The following RPIA variants were observed in gnomAD, a reference collection of about 807,000 sequenced individuals.
The protein encoded by RPIA is ribose 5-phosphate isomerase A.
In RPIA, 29 loss-of-function variants were observed where a neutral mutation model predicts 37.8. That is an observed-to-expected ratio of 0.77 (90% confidence interval 0.57 to 1.05). RPIA has a LOEUF of 1.05. Ranked by LOEUF, RPIA falls within the 50% of genes least tolerant of loss-of-function variation. The pLI, the probability that RPIA is intolerant of heterozygous loss-of-function variation, is 0.00. For missense variants in RPIA, 385 were observed against 413.6 expected (o/e 0.93, Z 0.60); for synonymous variants, 167 against 157.0 (o/e 1.06, Z -0.48).
At chr2:88,713,596 G>T (rs997420438) in intron 3 of RPIA, among the ~76,000 whole-genome samples, 1 of 152,070 alleles carries the variant, frequency 6.6e-6, no homozygotes, top group South Asian at 2.1e-4. Flanking sequence ...ATCTATTTTC[G>T]TCCAGTGTGC....
intron 8 of RPIA, among the ~76,000 whole-genome samples, chr2:88,744,318 G>T (rs1318433900): frequency 1.1e-4 from 17 of 152,220 alleles, no homozygotes; most frequent in Admixed American, 7.2e-4. Flanking sequence ...TAGTTTTGAG[G>T]GTTCCTTTTG....
intron 3 of RPIA, among the ~76,000 whole-genome samples, chr2:88,709,414 G>T (rs984639892): frequency 3.3e-5 from 5 of 152,220 alleles, no homozygotes; most frequent in African/African-American, 1.2e-4. Flanking sequence ...AAAGGAAAAT[G>T]CCCTTGATAT....
chr2:88,720,708 G>A (rs1673110057), intron 3 of RPIA, among the ~76,000 whole-genome samples: 1 of 151,744 alleles, frequency 6.6e-6, no homozygotes, highest in Non-Finnish European at 1.5e-5. Context: ...TAAAAAGTCA[G>A]GAAACAACAG....
chr2:88,713,431 T>C (rs1672988559), intron 3 of RPIA, among the ~76,000 whole-genome samples: 1 of 152,160 alleles, frequency 6.6e-6, no homozygotes, highest in Non-Finnish European at 1.5e-5. Flanking sequence ...TGTTGTCTTC[T>C]GGTTTTTAAT....
Position 88,694,973 on chromosome 2 carries a change from A to T in RPIA, c.285+2990A>T, listed in dbSNP as rs373219976. Reference sequence around the variant, plus strand: ...AAGAGCCAATCATACCTATTCAATAAAGTCTCAAAAAAAAAAAAAAAAGAA... The same window carrying T: ...AAGAGCCAATCATACCTATTCAATATAGTCTCAAAAAAAAAAAAAAAAGAA... On this transcript the variant is annotated intron_variant, in intron 1 of 8. Coordinates refer to ENST00000283646, the MANE Select transcript of RPIA (RefSeq NM_144563.3). Among the ~76,000 whole-genome samples, 518 of 132,742 alleles carry T rather than the reference A, an allele frequency of 3.9e-3. 2 individuals are homozygous for T. The highest frequency in any genetic ancestry group is 0.015 in the African/African-American group (457 of 31,264). The allele number at this position is 132,742 out of a possible 152,430, so 87.1% of individuals were successfully genotyped here. A position where few individuals can be genotyped will look rare whatever the true frequency, so the allele number is the denominator to read the frequency against.
At chr2:88,694,167 T>C (rs1676981496) in intron 1 of RPIA, among the ~76,000 whole-genome samples, 1 of 152,250 alleles carries the variant, frequency 6.6e-6, no homozygotes, top group African/African-American at 2.4e-5. Context: ...AGTCTTCTGC[T>C]GTTGGGCCAC....
At chr2:88,717,576 G>C (rs771113181) in intron 3 of RPIA, among the ~76,000 whole-genome samples, 1 of 152,158 alleles carries the variant, frequency 6.6e-6, no homozygotes, top group Non-Finnish European at 1.5e-5. Flanking sequence ...GTGAGCAGAG[G>C]GGTGACTTTG....
chr2:88,715,464 G>A (rs1673022407), intron 3 of RPIA, among the ~76,000 whole-genome samples: 1 of 152,194 alleles, frequency 6.6e-6, no homozygotes, highest in Non-Finnish European at 1.5e-5. Flanking sequence ...AAAAGCCCAT[G>A]ACTCTAATGT....
intron 3 of RPIA, among the ~76,000 whole-genome samples, chr2:88,706,147 G>A (rs1365772664): frequency 6.6e-6 from 1 of 152,140 alleles, no homozygotes; most frequent in African/African-American, 2.4e-5. Context: ...ATGGTGCGGC[G>A]ATTTCTCAAA....
chr2:88,717,599 G>A (rs1259583674), intron 3 of RPIA, among the ~76,000 whole-genome samples: 1 of 152,140 alleles, frequency 6.6e-6, no homozygotes, highest in Non-Finnish European at 1.5e-5. Context: ...TAGAATGAGA[G>A]GCAGGTTTGC....
chr2:88,733,576 G>C (rs1366162185), intron 4 of RPIA, among the ~76,000 whole-genome samples: 1 of 152,174 alleles, frequency 6.6e-6, no homozygotes, highest in Admixed American at 6.5e-5. Flanking sequence ...GTGCAGCCTG[G>C]CTCTGGGGTT....
chr2:88,707,337 A>C (rs185406163), intron 3 of RPIA, among the ~76,000 whole-genome samples: 1 of 151,470 alleles, frequency 6.6e-6, no homozygotes, highest in East Asian at 1.9e-4. Flanking sequence ...ATACACTTTT[A>C]GCTTGTCCTA....
Position 88,691,764 on chromosome 2 carries a change from C to T in RPIA, c.66C>T (p.Ala22=), listed in dbSNP as rs1268825895. The stretch of plus-strand genomic sequence containing the variant: ...TCTTGGCCCCGCTGCCCGGGAGGGC[C>T]GGGGGCGCGGCCTCCGGCGGAGGAG... ...GRVLAPLPGR[A]GGAASGGGGN... Residue 22 remains alanine (A), a synonymous_variant, in exon 1 of 9, where the codon GCC becomes GCT. Transcript: ENST00000283646. The T allele has an allele frequency of 6.3e-7, 1 of 1,593,250 alleles. No individual in the cohort carries two copies. The highest frequency in any genetic ancestry group is 1.3e-5 in the African/African-American group (1 of 74,650).
intron 8 of RPIA, among the ~76,000 whole-genome samples, chr2:88,744,064 G>C (rs867033186): frequency 6.6e-6 from 1 of 152,020 alleles, no homozygotes. Context: ...AGTGTGGTTT[G>C]TTCTTGTTTC....
chr2:88,718,223 A>G (rs899359615), intron 3 of RPIA, among the ~76,000 whole-genome samples: 5 of 152,236 alleles, frequency 3.3e-5, no homozygotes, highest in Non-Finnish European at 5.9e-5. Context: ...GGTGTGCTAT[A>G]GTTTTTGAAA....
intron 2 of RPIA, 121 bp from the exon 3 acceptor site, chr2:88,699,887 GA>G: frequency 1.0e-6 from 1 of 997,570 alleles, no homozygotes; most frequent in South Asian, 1.3e-5. Flanking sequence ...GACACAGGAT[GA>G]AAGGCAGCTG....
At position 88,740,842 on chromosome 2, in the gene RPIA, G is replaced by A. The variant is rs574984199; in HGVS notation, c.838+2766G>A. Among the ~76,000 whole-genome samples the A allele has an allele frequency of 1.9e-4, 29 of 152,286 alleles. 2 individuals are homozygous for A. The South Asian group carries it at 5.0e-3, about 26-fold the overall frequency. ...CCTGATTTAACTGTTTTTTGGATCA[G>A]TGGATGCTTTCTCCTTATATTGCAG... is the stretch of plus-strand genomic sequence containing the variant. On this transcript the variant is annotated intron_variant, in intron 8 of 8. Transcript: ENST00000283646.
chr2:88,698,301 T>C (rs1364730026), intron 1 of RPIA, among the ~76,000 whole-genome samples, 183 bp from the exon 2 acceptor site: 1 of 152,126 alleles, frequency 6.6e-6, no homozygotes, highest in Non-Finnish European at 1.5e-5. Context: ...CCACCATGGA[T>C]TGGCTAAAGT....
chr2:88,736,669 A>G lies in RPIA; in HGVS notation c.731A>G (p.Asn244Ser), dbSNP rs1673319697. The G allele has an allele frequency of 3.7e-6, 6 of 1,612,514 alleles. No individual in the cohort carries two copies. Among genetic ancestry groups the G allele is most frequent in the Non-Finnish European group, 4.2e-6 (5 of 1,178,712 alleles). Residue 244 changes from asparagine to serine, a missense_variant, in exon 7 of 9, where the codon AAC (asparagine) becomes AGC (serine). By Grantham distance (46) the Asn-to-Ser change is conservative. This residue lies in a region of RPIA where 153 missense variants were observed against 210.6 expected (regional missense o/e 0.73). Coordinates refer to ENST00000283646, the MANE Select transcript of RPIA (RefSeq NM_144563.3). ...GTGGTTGAACTTCGAATGGCTGTCA[A>G]CAAGGCTGTGAGTGGCCTGGTTGGG... is the stretch of plus-strand genomic sequence containing the variant. The part of the protein sequence containing the change: ...GGVVELRMAV[N>S]KAGPVVTDNG...
Sources: gnomAD v4.1 joint callset for allele counts (sites outside exome capture counted in the v4.1 genomes callset) on GRCh38, gnomAD v4.1.1 for gene constraint, gnomAD v4.1.1 regional missense constraint, MANE v1.5 for transcripts, NCBI Gene and HGNC (gene_info 2026-07-23, HGNC 2026-07-21) for gene names.